The following RPS6KA2 variants were observed in gnomAD, a reference collection of about 807,000 sequenced individuals.
The protein encoded by RPS6KA2 is ribosomal protein S6 kinase alpha-2.
In RPS6KA2, 42 loss-of-function variants were observed where a neutral mutation model predicts 91.8. That is an observed-to-expected ratio of 0.46 (90% CI 0.36 to 0.59). The LOEUF (loss-of-function observed/expected upper bound fraction) is 0.59, where lower values mean the gene tolerates loss of function less well. RPS6KA2 is among the 20% of genes least tolerant of loss of function. The probability of loss-of-function intolerance (pLI) is 0.00; values close to 1 mark genes in which losing one functional copy is unlikely to be tolerated. For synonymous variants in RPS6KA2, 414 were observed against 393.6 expected, an observed-to-expected ratio of 1.05 and a Z score of -0.61; for missense variants, 798 against 978.5, an observed-to-expected ratio of 0.82 and a Z score of 2.46.
chr6:166,701,877 G>T, intron 2 of RPS6KA2: 3 of 983,974 alleles, frequency 3.0e-6, no homozygotes, highest in Non-Finnish European at 4.9e-6. Context: ...TACTGCATCA[G>T]TTCCTGCAAT....
intron 6 of RPS6KA2, among the ~76,000 whole-genome samples, 198 bp downstream of exon 6, chr6:166,504,308 G>A (rs571346729): frequency 6.6e-6 from 1 of 152,344 alleles, no homozygotes; most frequent in Admixed American, 6.5e-5. Flanking sequence ...CATTTCCTAT[G>A]CAAATCAGCA....
At chr6:166,654,554 C>A (rs1787951999) in intron 2 of RPS6KA2, among the ~76,000 whole-genome samples, 2 of 152,204 alleles carry the variant, frequency 1.3e-5, no homozygotes, top group Admixed American at 6.5e-5. Context: ...AGTTTCCCCC[C>A]AATATCCTTA....
intron 2 of RPS6KA2, among the ~76,000 whole-genome samples, chr6:166,807,091 C>T (rs1562449819): frequency 6.6e-6 from 1 of 152,062 alleles, no homozygotes; most frequent in Non-Finnish European, 1.5e-5. Flanking sequence ...AAATGAGAGA[C>T]AAAACGCTAT....
intron 2 of RPS6KA2, among the ~76,000 whole-genome samples, chr6:166,797,309 G>GTT (rs35809584): frequency 3.3e-4 from 49 of 147,198 alleles, no homozygotes; most frequent in African/African-American, 6.0e-4. Flanking sequence ...TTCCAGAAAT[G>GTT]TTTTTTTTTT....
At chr6:166,598,345 C>CT (rs1261537893) in intron 1 of RPS6KA2, among the ~76,000 whole-genome samples, 1 of 152,088 alleles carries the variant, frequency 6.6e-6, no homozygotes, top group Non-Finnish European at 1.5e-5. Context: ...ACAGACCACG[C>CT]TTTTATTTTC....
Position 166,770,813 on chromosome 6 carries a change from G to T in RPS6KA2, c.123+87387C>A, listed in dbSNP as rs749990791. On this transcript the variant is annotated intron_variant, in intron 2 of 21. Transcript: ENST00000503859. This position sits in a 1 kb window ranked among gnomAD's most constrained non-coding sequence, Gnocchi z 5.1. ...TTCATGTTTAACTTAAAAAAAAAAT[G>T]TAACTCACATAAGCATGGAAAAAAA... 4.1e-6 allele frequency: 6 copies of T among 1,478,414 alleles called. No homozygotes were observed. Among genetic ancestry groups the T allele is most frequent in the Admixed American group, 2.2e-5 (1 of 44,968 alleles). 91.6% of individuals were successfully genotyped at this position (1,478,414 alleles called of 1,614,324 possible). A position where few individuals can be genotyped will look rare whatever the true frequency, so the allele number is the denominator to read the frequency against.
At chr6:166,432,997 A>G (rs1461758358) in intron 14 of RPS6KA2, among the ~76,000 whole-genome samples, 1 of 150,614 alleles carries the variant, frequency 6.6e-6, no homozygotes, top group African/African-American at 2.4e-5. Flanking sequence ...TCTGTCTCAA[A>G]AAAAAAAAAA....
intron 2 of RPS6KA2, among the ~76,000 whole-genome samples, chr6:166,840,771 G>A (rs567518264): frequency 2.6e-4 from 40 of 152,264 alleles, no homozygotes; most frequent in African/African-American, 9.6e-4. Context: ...AGACCAGCCT[G>A]ACCAACATGG....
intron 2 of RPS6KA2, among the ~76,000 whole-genome samples, chr6:166,817,750 T>C (rs949241162): frequency 4.0e-5 from 6 of 150,860 alleles, no homozygotes; most frequent in African/African-American, 1.5e-4. Flanking sequence ...TGAGATGGAG[T>C]CTCGCTCTGT....
chr6:166,811,406 G>A (rs934356945), intron 2 of RPS6KA2, among the ~76,000 whole-genome samples: 1 of 152,122 alleles, frequency 6.6e-6, no homozygotes, highest in Non-Finnish European at 1.5e-5. Flanking sequence ...CCACCTGAAG[G>A]GGCTGCCCAA....
chr6:166,473,226 T>C (rs1251937174), intron 10 of RPS6KA2, among the ~76,000 whole-genome samples: 2 of 152,134 alleles, frequency 1.3e-5, no homozygotes, highest in Admixed American at 6.5e-5. Context: ...GGATTCATTC[T>C]GTCGCCCAGG....
intron 1 of RPS6KA2, among the ~76,000 whole-genome samples, chr6:166,859,657 A>G (rs993061699): frequency 6.2e-5 from 9 of 145,704 alleles, no homozygotes; most frequent in African/African-American, 2.6e-4. Flanking sequence ...CCTGGTCTAC[A>G]ATTTTTATAA....
intron 2 of RPS6KA2, among the ~76,000 whole-genome samples, chr6:166,653,354 C>A (rs1470591349): frequency 1.3e-5 from 2 of 152,248 alleles, no homozygotes; most frequent in African/African-American, 4.8e-5. Context: ...AGCCGCCCTG[C>A]CTGGCCCTAA....
chr6:166,574,095 C>G (rs1442882222), intron 1 of RPS6KA2, among the ~76,000 whole-genome samples: 2 of 152,206 alleles, frequency 1.3e-5, no homozygotes, highest in Non-Finnish European at 2.9e-5. Flanking sequence ...CCACTCCTTG[C>G]TCTTATCCTG....
chr6:166,439,702 A>C (rs1481944541), intron 14 of RPS6KA2, among the ~76,000 whole-genome samples: 1 of 152,214 alleles, frequency 6.6e-6, no homozygotes, highest in African/African-American at 2.4e-5. Context: ...GGGAACTAAA[A>C]TCAGGGCATC....
At position 166,461,611 on chromosome 6, in the gene RPS6KA2, A is replaced by AAG. The variant is rs201026325; in HGVS notation, c.973-2062_973-2061dup. On this transcript the variant is annotated intron_variant, in intron 11 of 20. Coordinates refer to ENST00000265678, the MANE Select transcript of RPS6KA2 (RefSeq NM_021135.6). ...GGAGGGGGAGGGGAAGGGGGTAAGA[A>AAG]AGAGAGAGAGCACGCACTAGCTCGA... 7.2e-3 allele frequency among the ~76,000 whole-genome samples: 1,088 copies of AAG among 150,750 alleles called. 6 individuals are homozygous for AAG. The highest frequency in any genetic ancestry group is 9.7e-3 in the Admixed American group (147 of 15,120).
At chr6:166,729,484 G>A (rs1395709370) in intron 2 of RPS6KA2, among the ~76,000 whole-genome samples, 1 of 152,206 alleles carries the variant, frequency 6.6e-6, no homozygotes, top group Admixed American at 6.5e-5. Flanking sequence ...GAGTAGCTGA[G>A]ACCACAGGTA....
At chr6:166,458,162 CACCCAAATCTCAGGCTCTGTGTCCCT>C (rs1780163724) in intron 12 of RPS6KA2, among the ~76,000 whole-genome samples, 1 of 152,196 alleles carries the variant, frequency 6.6e-6, no homozygotes. Context: ...TTTGTGTCCC[CACCCAAATCTCAGGCTCTGTGTCCCT>C]ACCCAAATCT....
At chr6:166,432,798 C>T (rs192751627) in intron 14 of RPS6KA2, among the ~76,000 whole-genome samples, 5 of 152,232 alleles carry the variant, frequency 3.3e-5, no homozygotes, top group Non-Finnish European at 7.4e-5. Flanking sequence ...TAAGACCAGC[C>T]AGCTTGGCTA....
Sources: allele counts gnomAD v4.1 joint callset (sites outside exome capture counted in the v4.1 genomes callset), GRCh38; gene constraint gnomAD v4.1.1; non-coding constraint Gnocchi (gnomAD v3.1); transcripts MANE v1.5; gene names NCBI Gene and HGNC (gene_info 2026-07-23, HGNC 2026-07-21).